The following RYR3 variants were observed in gnomAD, a reference collection of about 807,000 sequenced individuals.
RYR3 encodes brain ryanodine receptor-calcium release channel.
A neutral mutation model predicts 584.3 loss-of-function variants in RYR3; 207 were observed. That is an observed-to-expected ratio of 0.35 (90% CI 0.32 to 0.40). RYR3 has a LOEUF of 0.40. Ranked by LOEUF, RYR3 falls within the 10% of genes least tolerant of loss-of-function variation. The probability of loss-of-function intolerance (pLI) is 1.00; values close to 1 mark genes in which losing one functional copy is unlikely to be tolerated. For missense variants in RYR3, 5,616 were observed against 6,089.2 expected (o/e 0.92, Z 2.59); for synonymous variants, 2,416 against 2,248.5 (o/e 1.07, Z -2.11).
At chr15:33,831,375 G>A (rs1596873258) in intron 86 of RYR3, among the ~76,000 whole-genome samples, 1 of 152,320 alleles carries the variant, frequency 6.6e-6, no homozygotes, top group South Asian at 2.1e-4. Flanking sequence ...TTCATGGAAA[G>A]AAAATGTCTT....
At chr15:33,825,513 AT>A in intron 81 of RYR3, 89 bp from the exon 82 acceptor site, 1 of 786,934 alleles carries the variant, frequency 1.3e-6, no homozygotes, top group East Asian at 2.5e-5. Context: ...CAGGGGCAGG[AT>A]ATGCTTAGTC....
At chr15:33,753,638 G>A (rs1179006897) in intron 57 of RYR3, among the ~76,000 whole-genome samples, 3 of 151,922 alleles carry the variant, frequency 2.0e-5, no homozygotes, top group South Asian at 2.1e-4. Context: ...TTTTGCCATC[G>A]AATGGCAAAA....
intron 79 of RYR3, 37 bp downstream of exon 79, chr15:33,821,406 T>C (rs1359052865): frequency 6.3e-7 from 1 of 1,586,468 alleles, no homozygotes; most frequent in Admixed American, 1.8e-5. Flanking sequence ...TTATGTAACT[T>C]CCACAAAGAT....
At chr15:33,655,947 TCAAA>T (rs1439380713) in intron 32 of RYR3, among the ~76,000 whole-genome samples, 1 of 152,220 alleles carries the variant, frequency 6.6e-6, no homozygotes, top group Non-Finnish European at 1.5e-5. Context: ...AAGGAGTCTC[TCAAA>T]CAATGTTTCT....
chr15:33,496,420 G>A (rs1044732482), intron 2 of RYR3, among the ~76,000 whole-genome samples: 2 of 152,124 alleles, frequency 1.3e-5, no homozygotes, highest in Admixed American at 1.3e-4. Context: ...AGAGCATAAA[G>A]GGGGAAATTG....
intron 36 of RYR3, 74 bp downstream of exon 36, chr15:33,663,811 C>A: frequency 7.7e-7 from 1 of 1,296,882 alleles, no homozygotes; most frequent in Non-Finnish European, 1.1e-6. Context: ...GCACATGAAA[C>A]CTCTATGGTC....
chr15:33,644,217 G>A (rs1284351193), intron 27 of RYR3, 94 bp from the exon 28 acceptor site: 6 of 917,070 alleles, frequency 6.5e-6, no homozygotes, highest in Non-Finnish European at 1.0e-5. Flanking sequence ...CCTACTGGGA[G>A]TCAAAGCCCT....
chr15:33,673,026 T>C (rs1566926999), intron 38 of RYR3, among the ~76,000 whole-genome samples: 1 of 152,236 alleles, frequency 6.6e-6, no homozygotes, highest in Non-Finnish European at 1.5e-5. Context: ...TCTGTCTCTT[T>C]GTATTGTGCT....
At chr15:33,526,815 C>G (rs923879931) in intron 3 of RYR3, among the ~76,000 whole-genome samples, 1 of 152,086 alleles carries the variant, frequency 6.6e-6, no homozygotes, top group Non-Finnish European at 1.5e-5. Context: ...AGAATAAATT[C>G]ATATTAAAAA....
chr15:33,856,312 C>A (rs2079652682), intron 98 of RYR3: 1 of 152,298 alleles, frequency 6.6e-6, no homozygotes, highest in African/African-American at 2.4e-5. Flanking sequence ...TTCACACTTA[C>A]CCACTCCCTT....
At chr15:33,807,743 C>G (rs916434738) in intron 70 of RYR3, 174 bp downstream of exon 70, 1 of 662,914 alleles carries the variant, frequency 1.5e-6, no homozygotes, top group Non-Finnish European at 2.6e-6. Context: ...GAATGTAGGC[C>G]TACCCACCCT....
intron 64 of RYR3, among the ~76,000 whole-genome samples, chr15:33,775,032 GAA>G (rs538200139): frequency 7.1e-6 from 1 of 141,128 alleles, no homozygotes; most frequent in African/African-American, 2.6e-5. Context: ...TTCTTCTCTT[GAA>G]AAAAAAAAAA....
chr15:33,334,880 G>C (rs572876367), intron 1 of RYR3, among the ~76,000 whole-genome samples: 1 of 151,486 alleles, frequency 6.6e-6, no homozygotes, highest in South Asian at 2.1e-4. Context: ...ATGAACAGAC[G>C]CTTCTCCAAA....
intron 1 of RYR3, among the ~76,000 whole-genome samples, chr15:33,411,706 A>T (rs2043423430): frequency 1.3e-5 from 2 of 152,188 alleles, no homozygotes; most frequent in Non-Finnish European, 2.9e-5. Context: ...ACAAAAATTT[A>T]TGAGGGTATC....
chr15:33,645,082 A>G (rs1458706466), intron 28 of RYR3, among the ~76,000 whole-genome samples: 1 of 152,122 alleles, frequency 6.6e-6, no homozygotes, highest in Non-Finnish European at 1.5e-5. Flanking sequence ...TATATACTGA[A>G]CATGTATGTT....
intron 8 of RYR3, among the ~76,000 whole-genome samples, chr15:33,547,641 G>C (rs1324106305): frequency 6.6e-6 from 1 of 152,188 alleles, no homozygotes; most frequent in African/African-American, 2.4e-5. Flanking sequence ...CATGAACAGT[G>C]TAACAACTGA....
chr15:33,488,111 A>T (rs1436321212), intron 2 of RYR3, among the ~76,000 whole-genome samples: 1 of 152,212 alleles, frequency 6.6e-6, no homozygotes. Flanking sequence ...TTCCTACTTG[A>T]GTTATTAATG....
intron 45 of RYR3, among the ~76,000 whole-genome samples, chr15:33,725,198 C>T (rs969060949): frequency 2.4e-5 from 3 of 125,052 alleles, no homozygotes; most frequent in East Asian, 2.7e-4. Context: ...CACACACACA[C>T]ACACATATAT....
chr15:33,664,024 G>C (rs995940042), intron 36 of RYR3, among the ~76,000 whole-genome samples: 1 of 152,142 alleles, frequency 6.6e-6, no homozygotes, highest in Non-Finnish European at 1.5e-5. Flanking sequence ...CCAGACCACT[G>C]TTGGGATTCA....
Sources: allele counts gnomAD v4.1 joint callset (sites outside exome capture counted in the v4.1 genomes callset), GRCh38; gene constraint gnomAD v4.1.1; transcripts MANE v1.5; gene names NCBI Gene and HGNC (gene_info 2026-07-23, HGNC 2026-07-21).